GRIN2A: variants seen among roughly 807,000 people sequenced by gnomAD.
GRIN2A encodes the protein glutamate ionotropic receptor NMDA type subunit 2A.
GRIN2A carries 22 observed loss-of-function variants against 113.4 expected under a neutral mutation model. That is an observed-to-expected ratio of 0.19 (90% CI 0.14 to 0.28). GRIN2A has a LOEUF of 0.28. Among genes scored for constraint, GRIN2A ranks in the 10% least tolerant of loss-of-function variants. GRIN2A has a pLI of 1.00. For missense variants in GRIN2A, 1,502 were observed against 1,887.0 expected (o/e 0.80, Z 3.78); for synonymous variants, 827 against 738.4 (o/e 1.12, Z -1.94).
intron 2 of GRIN2A, among the ~76,000 whole-genome samples, chr16:10,109,226 T>C (rs1027150981): frequency 6.6e-6 from 1 of 151,762 alleles, no homozygotes; most frequent in Non-Finnish European, 1.5e-5. Flanking sequence ...CAAAAAGAAA[T>C]AGAAACCTTC....
At chr16:9,881,114 T>A (rs559075509) in intron 4 of GRIN2A, among the ~76,000 whole-genome samples, 7 of 152,302 alleles carry the variant, frequency 4.6e-5, no homozygotes, top group African/African-American at 1.4e-4. Flanking sequence ...GACAAATTTT[T>A]AACAAAAAAA....
intron 3 of GRIN2A, among the ~76,000 whole-genome samples, chr16:9,892,310 A>G (rs908017354): frequency 2.0e-5 from 3 of 152,186 alleles, no homozygotes; most frequent in African/African-American, 7.2e-5. Flanking sequence ...GATCATGTCA[A>G]TTGAAGGCTG....
Position 9,937,071 on chromosome 16 carries a change from G to T in GRIN2A, c.1007+888C>A, listed in dbSNP as rs546406493. ...ACAGCTGTTTAGCTTCTAATAGGAA[G>T]CTTCAAAATCCCTAAATTAAATGTT... On this transcript the variant is annotated intron_variant, in intron 3 of 12. Transcript: ENST00000330684. 4.7e-3 allele frequency among the ~76,000 whole-genome samples: 720 copies of T among 152,230 alleles called. 5 individuals carry two copies. Among genetic ancestry groups the T allele is most frequent in the African/African-American group, 0.016 (671 of 41,522 alleles).
At chr16:10,132,671 G>A (rs1736173407) in intron 2 of GRIN2A, among the ~76,000 whole-genome samples, 2 of 152,162 alleles carry the variant, frequency 1.3e-5, no homozygotes. Flanking sequence ...AACTTTCATT[G>A]CCTCGGTTTC....
intron 2 of GRIN2A, among the ~76,000 whole-genome samples, chr16:9,994,505 C>A (rs1002865164): frequency 6.6e-6 from 1 of 152,024 alleles, no homozygotes; most frequent in Non-Finnish European, 1.5e-5. Context: ...GATTGACGTC[C>A]CCGAGATGTT....
intron 2 of GRIN2A, among the ~76,000 whole-genome samples, chr16:10,047,572 T>C (rs2047282835): frequency 1.3e-5 from 2 of 152,222 alleles, no homozygotes; most frequent in African/African-American, 4.8e-5. Flanking sequence ...CTGATATAGA[T>C]GTTGGTGCTC....
At position 9,920,120 on chromosome 16, in the gene GRIN2A, T is replaced by C. The variant is rs548479667; in HGVS notation, c.1007+17839A>G. On this transcript the variant is annotated intron_variant, in intron 3 of 12. Coordinates refer to ENST00000330684, the MANE Select transcript of GRIN2A (RefSeq NM_001134407.3). ...GCTTTGAGCAGCATGCTTTTTTCTG[T>C]TTTGTGCGTGACTGTGTGTGTCTCA... is the stretch of plus-strand genomic sequence containing the variant. Among the ~76,000 whole-genome samples the C allele has an allele frequency of 2.0e-4, 31 of 152,354 alleles. No homozygotes were observed. The South Asian group carries it at 6.0e-3, about 30-fold the overall frequency.
intron 2 of GRIN2A, among the ~76,000 whole-genome samples, chr16:9,955,511 T>G (rs900154296): frequency 6.6e-6 from 1 of 152,248 alleles, no homozygotes; most frequent in South Asian, 2.1e-4. Context: ...TGCCCCTACC[T>G]TTAATGGCAA....
intron 2 of GRIN2A, among the ~76,000 whole-genome samples, chr16:10,100,835 C>G (rs934419842): frequency 3.3e-5 from 5 of 152,204 alleles, no homozygotes; most frequent in African/African-American, 1.2e-4. Context: ...GGCACTCAGC[C>G]AGGCTCCCTA....
intron 2 of GRIN2A, among the ~76,000 whole-genome samples, chr16:10,138,396 T>C (rs1256190398): frequency 6.6e-6 from 1 of 152,122 alleles, no homozygotes; most frequent in African/African-American, 2.4e-5. Flanking sequence ...AAACTTACAA[T>C]CATGGTGGAA....
At chr16:10,146,693 G>A (rs543310723) in intron 2 of GRIN2A, among the ~76,000 whole-genome samples, 1 of 152,068 alleles carries the variant, frequency 6.6e-6, no homozygotes, top group Non-Finnish European at 1.5e-5. Flanking sequence ...GTGAAAGACA[G>A]GTGTTGGGAG....
intron 4 of GRIN2A, among the ~76,000 whole-genome samples, chr16:9,853,327 T>C (rs1405643622): frequency 6.6e-6 from 1 of 152,158 alleles, no homozygotes; most frequent in African/African-American, 2.4e-5. Flanking sequence ...GTGGTGGTGT[T>C]AGGAGGAGGG....
chr16:10,160,735 A>G (rs115771198), intron 2 of GRIN2A, among the ~76,000 whole-genome samples: 2 of 152,366 alleles, frequency 1.3e-5, no homozygotes, highest in South Asian at 2.1e-4. Flanking sequence ...CTTGATCTCA[A>G]TATATTGTGG....
intron 2 of GRIN2A, among the ~76,000 whole-genome samples, chr16:10,129,322 C>G (rs114474835): frequency 6.6e-5 from 10 of 152,152 alleles, no homozygotes; most frequent in African/African-American, 2.4e-4. Flanking sequence ...ATAGAAATGA[C>G]TAATGTCCCT....
intron 4 of GRIN2A, among the ~76,000 whole-genome samples, chr16:9,866,271 T>C (rs1053067624): frequency 1.3e-5 from 2 of 152,144 alleles, no homozygotes; most frequent in East Asian, 1.9e-4. Context: ...GAAGAAATCA[T>C]GAAGGAGTGC....
chr16:9,787,832 A>G (rs1393552283), intron 11 of GRIN2A, among the ~76,000 whole-genome samples: 1 of 151,974 alleles, frequency 6.6e-6, no homozygotes, highest in African/African-American at 2.4e-5. Flanking sequence ...CTCTATTTTT[A>G]CTTTGCATTT....
intron 2 of GRIN2A, among the ~76,000 whole-genome samples, chr16:10,016,024 G>A (rs1447044655): frequency 6.7e-6 from 1 of 149,654 alleles, no homozygotes; most frequent in Non-Finnish European, 1.5e-5. Flanking sequence ...GCTGAGACAG[G>A]AGAATTGCTT....
intron 3 of GRIN2A, among the ~76,000 whole-genome samples, chr16:9,920,728 G>A (rs527842325): frequency 1.3e-5 from 2 of 151,842 alleles, no homozygotes. Context: ...CACCACTCCC[G>A]GCTAATTTTT....
At chr16:9,986,163 C>A (rs2045976178) in intron 2 of GRIN2A, among the ~76,000 whole-genome samples, 1 of 151,828 alleles carries the variant, frequency 6.6e-6, no homozygotes, top group Admixed American at 6.6e-5. Flanking sequence ...TGGCTGGGTA[C>A]CGAGATAAGA....
Sources: gnomAD v4.1 joint callset for allele counts (sites outside exome capture counted in the v4.1 genomes callset) on GRCh38, gnomAD v4.1.1 for gene constraint, MANE v1.5 for transcripts, NCBI Gene and HGNC (gene_info 2026-07-23, HGNC 2026-07-21) for gene names.